The following DCLK1 variants were observed in gnomAD, a reference collection of about 807,000 sequenced individuals.
DCLK1 encodes doublecortin like kinase 1, also known as serine/threonine-protein kinase DCLK1.
In DCLK1, 16 loss-of-function variants were observed where a neutral mutation model predicts 86.2. The ratio of observed to expected loss-of-function variants is 0.19; its 90% confidence interval spans 0.13 to 0.28. The LOEUF (loss-of-function observed/expected upper bound fraction) is 0.28, where lower values mean the gene tolerates loss of function less well. DCLK1 is among the 10% of genes least tolerant of loss of function. The probability of loss-of-function intolerance (pLI) is 1.00; values close to 1 mark genes in which losing one functional copy is unlikely to be tolerated. For missense variants in DCLK1, 590 were observed against 940.2 expected (o/e 0.63, Z 4.87); for synonymous variants, 369 against 370.5 (o/e 1.00, Z 0.05).
At chr13:35,824,147 G>A (rs1037848564) in intron 10 of DCLK1, among the ~76,000 whole-genome samples, 1 of 152,070 alleles carries the variant, frequency 6.6e-6, no homozygotes, top group African/African-American at 2.4e-5. Context: ...GATTCCACCA[G>A]TCCCAGTTAT....
At chr13:35,872,040 T>C (rs1445952111) in intron 4 of DCLK1, among the ~76,000 whole-genome samples, 2 of 152,242 alleles carry the variant, frequency 1.3e-5, no homozygotes, top group African/African-American at 2.4e-5. Context: ...GTCCATTATA[T>C]TCAATGCTGA....
At chr13:35,854,015 G>T (rs1870860436) in intron 6 of DCLK1, among the ~76,000 whole-genome samples, 1 of 152,080 alleles carries the variant, frequency 6.6e-6, no homozygotes, top group Non-Finnish European at 1.5e-5. Context: ...GTGATGAAAA[G>T]GTGCTCAATG....
intron 3 of DCLK1, among the ~76,000 whole-genome samples, chr13:36,052,337 C>A (rs1371331358): frequency 6.6e-6 from 1 of 152,006 alleles, no homozygotes; most frequent in Non-Finnish European, 1.5e-5. Context: ...CATTACCCTA[C>A]AGAAATTCAA....
chr13:35,989,136 G>T (rs750625415), intron 3 of DCLK1, among the ~76,000 whole-genome samples: 1 of 152,080 alleles, frequency 6.6e-6, no homozygotes, highest in Non-Finnish European at 1.5e-5. Context: ...AACACCTACC[G>T]CATGCTCTGC....
At chr13:35,808,680 AGCT>A (rs2087080980) in intron 13 of DCLK1, among the ~76,000 whole-genome samples, 1 of 152,096 alleles carries the variant, frequency 6.6e-6, no homozygotes, top group South Asian at 2.1e-4. Flanking sequence ...CTATTCAGGA[AGCT>A]GAGGCAGGAG....
intron 3 of DCLK1, among the ~76,000 whole-genome samples, chr13:36,064,355 T>C (rs1477601015): frequency 6.6e-6 from 1 of 152,156 alleles, no homozygotes; most frequent in Non-Finnish European, 1.5e-5. Context: ...CATTTAACTT[T>C]AGTCCATAAG....
chr13:35,913,210 T>G (rs1029602466), intron 4 of DCLK1, among the ~76,000 whole-genome samples: 2 of 152,210 alleles, frequency 1.3e-5, no homozygotes, highest in Non-Finnish European at 2.9e-5. Flanking sequence ...TTGTGTTAGT[T>G]CAGTTTCAGC....
chr13:35,885,858 T>C (rs961205552), intron 4 of DCLK1, among the ~76,000 whole-genome samples: 3 of 152,172 alleles, frequency 2.0e-5, no homozygotes, highest in Non-Finnish European at 2.9e-5. Context: ...ATACTTTTGA[T>C]TGCTTTTCAA....
intron 3 of DCLK1, among the ~76,000 whole-genome samples, chr13:36,100,555 A>G (rs1255543720): frequency 6.6e-6 from 1 of 152,192 alleles, no homozygotes; most frequent in Non-Finnish European, 1.5e-5. Context: ...GGTTCTTTGT[A>G]TACAGACCCC....
At chr13:36,062,396 T>A (rs772108580) in intron 3 of DCLK1, among the ~76,000 whole-genome samples, 1 of 152,094 alleles carries the variant, frequency 6.6e-6, no homozygotes, top group Non-Finnish European at 1.5e-5. Context: ...TGCTTTATTG[T>A]CAGTGTTGAG....
intron 3 of DCLK1, among the ~76,000 whole-genome samples, chr13:36,090,410 T>C (rs1593880499): frequency 6.6e-6 from 1 of 151,966 alleles, no homozygotes; most frequent in Admixed American, 6.5e-5. Context: ...CACAGACACT[T>C]AGTATTAGAA....
intron 8 of DCLK1, among the ~76,000 whole-genome samples, chr13:35,830,787 C>T (rs13378251): frequency 0.017 from 2,651 of 152,300 alleles, 70 homozygotes; most frequent in African/African-American, 0.059. Flanking sequence ...AAAATAAAAG[C>T]TGCCGTTCCC....
intron 6 of DCLK1, chr13:35,847,116 AT>A: frequency 1.0e-6 from 1 of 971,554 alleles, no homozygotes; most frequent in Non-Finnish European, 1.2e-6. Context: ...GATCTTGTTA[AT>A]AATTGAAAAC....
intron 10 of DCLK1, among the ~76,000 whole-genome samples, chr13:35,827,432 G>C (rs1868567929): frequency 6.6e-6 from 1 of 152,126 alleles, no homozygotes. Context: ...TAAAGAGGTA[G>C]ACCCAAAGTC....
At chr13:36,127,702 C>G (rs1347130158) in intron 1 of DCLK1, among the ~76,000 whole-genome samples, 1 of 152,150 alleles carries the variant, frequency 6.6e-6, no homozygotes, top group African/African-American at 2.4e-5. Context: ...TCCTTTCTGG[C>G]AAGAGAGGCC....
chr13:35,877,474 A>C (rs1233714720), intron 4 of DCLK1, among the ~76,000 whole-genome samples: 7 of 152,226 alleles, frequency 4.6e-5, no homozygotes, highest in Non-Finnish European at 8.8e-5. Context: ...CTTCTGGAGA[A>C]TCTTGAACAA....
chr13:35,980,850 GT>G (rs1686527015), intron 3 of DCLK1, among the ~76,000 whole-genome samples: 1 of 151,904 alleles, frequency 6.6e-6, no homozygotes, highest in Non-Finnish European at 1.5e-5. Context: ...TAAAGAAGGG[GT>G]CTTGCCATGT....
At chr13:35,970,911 C>T (rs1422581279) in intron 3 of DCLK1, among the ~76,000 whole-genome samples, 8 of 152,056 alleles carry the variant, frequency 5.3e-5, no homozygotes, top group African/African-American at 1.4e-4. Context: ...AGTTAGCACA[C>T]GGGGCAGTGG....
chr13:35,984,866 G>A (rs747441192), intron 3 of DCLK1, among the ~76,000 whole-genome samples: 76 of 151,000 alleles, frequency 5.0e-4, no homozygotes, highest in Non-Finnish European at 9.1e-4. Flanking sequence ...CTCCGCACTC[G>A]ACAGCAACCC....
Sources: allele counts gnomAD v4.1 joint callset (sites outside exome capture counted in the v4.1 genomes callset), GRCh38; gene constraint gnomAD v4.1.1; transcripts MANE v1.5; gene names NCBI Gene and HGNC (gene_info 2026-07-23, HGNC 2026-07-21).